The following DPYSL5 variants were observed in gnomAD, a reference collection of about 807,000 sequenced individuals.
The protein encoded by DPYSL5 is dihydropyrimidinase-related protein 5.
Under a neutral mutation model 58.4 loss-of-function variants are expected in DPYSL5, and 9 were observed. That is an observed-to-expected ratio of 0.15 (90% confidence interval 0.09 to 0.27). The LOEUF is 0.27. DPYSL5 is among the 10% of genes least tolerant of loss of function. DPYSL5 has a pLI of 1.00. For missense variants in DPYSL5, 499 were observed against 770.6 expected, an observed-to-expected ratio of 0.65 and a Z score of 4.17; for synonymous variants, 293 against 301.9, an observed-to-expected ratio of 0.97 and a Z score of 0.31.
intron 6 of DPYSL5, among the ~76,000 whole-genome samples, chr2:26,932,301 C>A (rs1665055173): frequency 1.3e-5 from 2 of 152,164 alleles, no homozygotes; most frequent in East Asian, 1.9e-4. Context: ...CCACAGGAAC[C>A]CAGAGCTGTT....
At chr2:26,936,374 A>G (rs1572718322) in intron 8 of DPYSL5, among the ~76,000 whole-genome samples, 1 of 152,142 alleles carries the variant, frequency 6.6e-6, no homozygotes, top group Non-Finnish European at 1.5e-5. Flanking sequence ...ACCACTGGAA[A>G]ACTCCCACTC....
chr2:26,926,426 C>G (rs1452953440), intron 3 of DPYSL5, among the ~76,000 whole-genome samples: 1 of 152,194 alleles, frequency 6.6e-6, no homozygotes, highest in African/African-American at 2.4e-5. Context: ...CAGGCCAACC[C>G]TCCCTAATTT....
intron 1 of DPYSL5, among the ~76,000 whole-genome samples, chr2:26,863,051 C>T (rs1666056849): frequency 6.6e-6 from 1 of 152,146 alleles, no homozygotes; most frequent in Non-Finnish European, 1.5e-5. Flanking sequence ...TCCAACACAG[C>T]GGGAGGAGAG....
At position 26,925,153 on chromosome 2, in the gene DPYSL5, C is replaced by T; in HGVS notation, c.420+108C>T. ...TTGTGTGGGGCACCCCTCCCACTAC[C>T]ATCCTAGCTCCCCACAATGCCAAAA... On this transcript the variant is annotated intron_variant, in intron 3 of 12. Coordinates refer to ENST00000288699, the MANE Select transcript of DPYSL5 (RefSeq NM_020134.4). This position sits in a 1 kb window ranked among gnomAD's most constrained non-coding sequence, Gnocchi z 4.5. 3 of 1,362,240 alleles carry T rather than the reference C, an allele frequency of 2.2e-6. No individual in the cohort carries two copies. The highest frequency in any genetic ancestry group is 4.8e-5 in the East Asian group (2 of 41,670). The allele number at this position is 1,362,240 out of a possible 1,614,324, so 84.4% of individuals were successfully genotyped here.
At chr2:26,946,199 G>A (rs1665477520) in intron 12 of DPYSL5, among the ~76,000 whole-genome samples, 1 of 152,180 alleles carries the variant, frequency 6.6e-6, no homozygotes, top group African/African-American at 2.4e-5. Context: ...CCCCAGAGCT[G>A]CAGGGCCCCT....
intron 1 of DPYSL5, among the ~76,000 whole-genome samples, chr2:26,889,406 A>G (rs971888243): frequency 6.6e-6 from 1 of 152,054 alleles, no homozygotes; most frequent in Non-Finnish European, 1.5e-5. Flanking sequence ...AGTAGCTGGG[A>G]CTACAGGCGC....
intron 1 of DPYSL5, among the ~76,000 whole-genome samples, chr2:26,872,543 A>C (rs1663292509): frequency 1.3e-5 from 2 of 152,250 alleles, no homozygotes; most frequent in Non-Finnish European, 2.9e-5. Flanking sequence ...TACAAAATTC[A>C]GCTGGGTGTG....
intron 8 of DPYSL5, 143 bp from the exon 9 acceptor site, chr2:26,939,888 G>A: frequency 9.2e-7 from 1 of 1,082,506 alleles, no homozygotes; most frequent in Non-Finnish European, 1.4e-6. Context: ...ACTCACGACA[G>A]ACCACATGGC....
At chr2:26,891,740 T>A (rs1447351101) in intron 1 of DPYSL5, among the ~76,000 whole-genome samples, 1 of 152,180 alleles carries the variant, frequency 6.6e-6, no homozygotes, top group African/African-American at 2.4e-5. Context: ...TGGCATGATC[T>A]TGGCTCACTG....
At chr2:26,916,550 C>T (rs1179757147) in intron 2 of DPYSL5, among the ~76,000 whole-genome samples, 1 of 152,172 alleles carries the variant, frequency 6.6e-6, no homozygotes, top group African/African-American at 2.4e-5. Flanking sequence ...AATCAAAGTC[C>T]CCACAGTTTG....
chr2:26,894,394 A>G (rs1183101553), intron 1 of DPYSL5, among the ~76,000 whole-genome samples: 1 of 152,176 alleles, frequency 6.6e-6, no homozygotes, highest in Non-Finnish European at 1.5e-5. Context: ...TCTCTTCTGC[A>G]TCTGCACATC....
At position 26,940,108 on chromosome 2, in the gene DPYSL5, C is replaced by T; in HGVS notation, c.1025C>T (p.Thr342Ile). The T allele has an allele frequency of 6.2e-7, 1 of 1,614,220 alleles. No homozygotes were observed. The highest frequency in any genetic ancestry group is 8.5e-7 in the Non-Finnish European group (1 of 1,180,052). ...AAAGCTATGGGCAAGGAAGACTTCA[C>T]CAAGATCCCACATGGAGTGAGTGGC... ...KQKAMGKEDF[T>I]KIPHGVSGVQ... The change falls in exon 9 of 13, where the codon ACC (threonine) becomes ATC (isoleucine). Residue 342 changes from threonine (T) to isoleucine (I), a missense_variant. Thr to Ile is a moderately conservative substitution (Grantham distance 89, BLOSUM62 -1). Coordinates refer to ENST00000288699, the MANE Select transcript of DPYSL5 (RefSeq NM_020134.4).
chr2:26,885,031 C>T (rs1263037315), intron 1 of DPYSL5, among the ~76,000 whole-genome samples: 2 of 152,108 alleles, frequency 1.3e-5, no homozygotes, highest in Non-Finnish European at 2.9e-5. Context: ...GAAACCCCAT[C>T]TCTATTAAAA....
chr2:26,927,505 C>G lies in DPYSL5; in HGVS notation c.600+73C>G. 1 of 1,531,348 alleles carries G rather than the reference C, an allele frequency of 6.5e-7. No individual in the cohort carries two copies. Among genetic ancestry groups the G allele is most frequent in the Non-Finnish European group, 8.9e-7 (1 of 1,127,546 alleles). The allele number at this position is 1,531,348 out of a possible 1,614,324, so 94.9% of individuals were successfully genotyped here. On this transcript the variant is annotated intron_variant, in intron 4 of 12. Transcript: ENST00000288699. This position sits in a 1 kb window ranked among gnomAD's most constrained non-coding sequence, Gnocchi z 4.3. ...AGTTAGTTCTCAGGGGATTCCTGAC[C>G]ACCCGTCACTGATCCCACAGGATTC... is the stretch of plus-strand genomic sequence containing the variant.
chr2:26,928,796 G>A (rs1436838304), intron 5 of DPYSL5, among the ~76,000 whole-genome samples: 2 of 147,232 alleles, frequency 1.4e-5, no homozygotes, highest in Non-Finnish European at 3.0e-5. Context: ...TTTTCTCCAC[G>A]GGTGAAATTT....
Position 26,905,052 on chromosome 2 carries a change from G to A in DPYSL5, c.261+6292G>A, listed in dbSNP as rs1558339521. On this transcript the variant is annotated intron_variant, in intron 2 of 12. Transcript: ENST00000288699. The surrounding 1 kb of genome is among the most constrained non-coding windows in gnomAD (Gnocchi z 4.0). Reference sequence around the variant, plus strand: ...ACTGAACAATCACCCCTTTCAGCCTGTGGCCTCTTGGTTGGCTGTATGCAA... The same window carrying A: ...ACTGAACAATCACCCCTTTCAGCCTATGGCCTCTTGGTTGGCTGTATGCAA... 6.6e-6 allele frequency among the ~76,000 whole-genome samples: 1 copy of A among 152,190 alleles called. No individual in the cohort carries two copies. The highest frequency in any genetic ancestry group is 1.5e-5 in the Non-Finnish European group (1 of 68,038).
intron 2 of DPYSL5, among the ~76,000 whole-genome samples, chr2:26,904,774 A>G (rs538181468): frequency 6.6e-6 from 1 of 152,286 alleles, no homozygotes; most frequent in South Asian, 2.1e-4. Context: ...GTGGTGGTGT[A>G]CGCTTGTAGT....
At chr2:26,862,573 G>A (rs535720071) in intron 1 of DPYSL5, among the ~76,000 whole-genome samples, 1 of 152,278 alleles carries the variant, frequency 6.6e-6, no homozygotes, top group African/African-American at 2.4e-5. Context: ...GCCCCAGGAA[G>A]CCATTGCATG....
chr2:26,879,311 T>G lies in DPYSL5; in HGVS notation c.-4-19185T>G, dbSNP rs147774561. ...TTTGTTTGAGAAGTTTCCTGGACAT[T>G]CAATACATGAGAAAATAAAAACATT... On this transcript the variant is annotated intron_variant, in intron 1 of 12. Coordinates refer to ENST00000288699, the MANE Select transcript of DPYSL5 (RefSeq NM_020134.4). Among the ~76,000 whole-genome samples, 5 of 152,114 alleles carry G rather than the reference T, an allele frequency of 3.3e-5. No homozygotes were observed. In the East Asian group the frequency reaches 9.7e-4, roughly 29 times the overall value.
Sources: gnomAD v4.1 joint callset for allele counts (sites outside exome capture counted in the v4.1 genomes callset) on GRCh38, gnomAD v4.1.1 for gene constraint, Gnocchi (gnomAD v3.1) non-coding constraint, MANE v1.5 for transcripts, NCBI Gene and HGNC (gene_info 2026-07-23, HGNC 2026-07-21) for gene names.